ESYT3: variants seen among roughly 807,000 people sequenced by gnomAD.
ESYT3 encodes the protein extended synaptotagmin-3.
ESYT3 carries 101 observed loss-of-function variants against 111.5 expected under a neutral mutation model. The ratio of observed to expected loss-of-function variants is 0.91; its 90% CI spans 0.77 to 1.07. The LOEUF (loss-of-function observed/expected upper bound fraction) is 1.07, where lower values mean the gene tolerates loss of function less well. Among genes scored for constraint, ESYT3 ranks in the 50% least tolerant of loss-of-function variants. ESYT3 has a pLI of 0.00. For missense variants in ESYT3, 1,097 were observed against 1,109.4 expected, an observed-to-expected ratio of 0.99 and a Z score of 0.16; for synonymous variants, 416 against 446.8, an observed-to-expected ratio of 0.93 and a Z score of 0.87.
intron 17 of ESYT3, among the ~76,000 whole-genome samples, chr3:138,471,294 T>A (rs1329292452): frequency 3.9e-5 from 6 of 152,248 alleles, no homozygotes; most frequent in African/African-American, 1.4e-4. Flanking sequence ...CCTCCATGTC[T>A]CTTGACCTCA....
chr3:138,468,262 G>A, intron 12 of ESYT3, 68 bp downstream of exon 12: 1 of 1,451,574 alleles, frequency 6.9e-7, no homozygotes. Context: ...GTGTGTGCAG[G>A]TGGAGGAAGG....
Position 138,465,319 on chromosome 3 carries a change from A to G in ESYT3, c.1087-20A>G. On this transcript the variant is annotated intron_variant, in intron 9 of 22. Transcript: ENST00000389567. ...GGTCGACTGTTGCCTGCAGGTCAAG[A>G]CACCTCTTTTTCCTTCCAGTTCATG... 6.4e-7 allele frequency: 1 copy of G among 1,563,066 alleles called. No homozygotes were observed. The highest frequency in any genetic ancestry group is 8.7e-7 in the Non-Finnish European group (1 of 1,149,724).
intron 1 of ESYT3, among the ~76,000 whole-genome samples, chr3:138,436,488 G>T (rs1351353362): frequency 6.6e-6 from 1 of 152,210 alleles, no homozygotes; most frequent in Admixed American, 6.5e-5. Context: ...TTCAAAGTGG[G>T]CATACACTTC....
Position 138,434,995 on chromosome 3 carries a change from C to A in ESYT3, c.197C>A (p.Ala66Asp), listed in dbSNP as rs2108585200. Reference protein sequence around the residue: ...GLSITWLLLGALLWMWWRRNR... With the variant: ...GLSITWLLLGDLLWMWWRRNR... ...AGCATAACCTGGTTGCTGCTCGGCG[C>A]CCTGCTGTGGATGTGGTGGCGCAGG... is the stretch of plus-strand genomic sequence containing the variant. The change falls in exon 1 of 23, where the codon GCC becomes GAC. Residue 66 changes from alanine (A) to aspartate (D), a missense_variant. Coordinates refer to ENST00000389567, the MANE Select transcript of ESYT3 (RefSeq NM_031913.5). The A allele has an allele frequency of 6.4e-7, 1 of 1,564,292 alleles. No individual in the cohort carries two copies. The highest frequency in any genetic ancestry group is 2.3e-5 in the East Asian group (1 of 42,782).
At chr3:138,442,291 G>C (rs888171490) in intron 1 of ESYT3, among the ~76,000 whole-genome samples, 1 of 152,002 alleles carries the variant, frequency 6.6e-6, no homozygotes, top group Non-Finnish European at 1.5e-5. Flanking sequence ...TTAAAAACTT[G>C]TACTTTTTTC....
In ESYT3 at chr3:138,471,033, C is replaced by A. The variant is rs1206299930; in HGVS notation, c.1740+7C>A. ...CATGAGGCTGGTGCTTCGGGTAAAT[C>A]TCTCCGGTCCCCTGGGGGAGGGGAG... On this transcript the variant is annotated splice_region_variant and intron_variant, in intron 17 of 22. Transcript: ENST00000389567. The A allele has an allele frequency of 6.2e-7, 1 of 1,611,428 alleles. No homozygotes were observed. Among genetic ancestry groups the A allele is most frequent in the Non-Finnish European group, 8.5e-7 (1 of 1,178,070 alleles).
rs1351709511 is a variant in ESYT3 at position 138,452,085 on chromosome 3, A to G, written c.365A>G (p.Asn122Ser). 1 of 1,607,626 alleles carries G rather than the reference A, an allele frequency of 6.2e-7. No individual in the cohort carries two copies. Among genetic ancestry groups the G allele is most frequent in the Non-Finnish European group, 8.5e-7 (1 of 1,179,764 alleles). Residue 122 changes from asparagine to serine, a missense_variant, in exon 2 of 23, where the codon AAC becomes AGC. Physicochemically the swap from Asn to Ser is conservative, Grantham distance 46. Coordinates refer to ENST00000389567, the MANE Select transcript of ESYT3 (RefSeq NM_031913.5). ...FPDVERVEWA[N>S]KIISQTWPYL... ...GACGTGGAGCGGGTCGAGTGGGCCA[A>G]CAAGGTAAGGCCGCTGGCAGGGCCT...
At chr3:138,456,337 G>T (rs2032276374) in intron 3 of ESYT3, among the ~76,000 whole-genome samples, 1 of 152,252 alleles carries the variant, frequency 6.6e-6, no homozygotes, top group African/African-American at 2.4e-5. Flanking sequence ...CGTGCATGAT[G>T]GCAGAGGAAT....
chr3:138,476,555 G>A (rs1438335308), intron 22 of ESYT3, 63 bp downstream of exon 22: 9 of 1,534,236 alleles, frequency 5.9e-6, no homozygotes, highest in Non-Finnish European at 8.1e-6. Context: ...TCCCTTTTCA[G>A]TACTGTTTCA....
At position 138,470,127 on chromosome 3, in the gene ESYT3, C is replaced by T. The variant is rs768729596; in HGVS notation, c.1571C>T (p.Thr524Ile). ...TCCTTCTTTGTGCACAATGTGGCCA[C>T]TGAGCGGCTCCATCTGAAGGTTTGA... The part of the protein sequence containing the change: ...VFSFFVHNVA[T>I]ERLHLKVLDD... Residue 524 changes from threonine (T) to isoleucine (I), a missense_variant, in exon 16 of 23, where the codon ACT becomes ATT. Thr to Ile is a moderately conservative substitution (Grantham distance 89). Transcript: ENST00000389567. 10 of 1,612,660 alleles carry T rather than the reference C, an allele frequency of 6.2e-6. No homozygotes were observed. In the African/African-American group the frequency reaches 1.2e-4, roughly 19 times the overall value.
Position 138,476,385 on chromosome 3 carries a change from C to T in ESYT3, c.2574+57C>T, listed in dbSNP as rs540033221. On this transcript the variant is annotated intron_variant, in intron 21 of 22. Coordinates refer to ENST00000389567, the MANE Select transcript of ESYT3 (RefSeq NM_031913.5). The stretch of plus-strand genomic sequence containing the variant: ...AGATTATGATCAATTCGCCTTATCC[C>T]AATTTCTTTCCTTAATGCAGTGTTT... 273 of 1,602,820 alleles carry T rather than the reference C, an allele frequency of 1.7e-4. 2 individuals are homozygous for T. The South Asian group carries it at 2.8e-3, about 16-fold the overall frequency.
chr3:138,446,018 A>G (rs759882031), intron 1 of ESYT3, among the ~76,000 whole-genome samples: 1 of 152,238 alleles, frequency 6.6e-6, no homozygotes, highest in Non-Finnish European at 1.5e-5. Context: ...GGTTCTGATC[A>G]CATGGGTAAT....
intron 7 of ESYT3, among the ~76,000 whole-genome samples, chr3:138,461,671 A>C (rs557510354): frequency 6.6e-6 from 1 of 152,292 alleles, no homozygotes; most frequent in East Asian, 1.9e-4. Flanking sequence ...CAATGAACAA[A>C]CAACCCCAGG....
At position 138,470,142 on chromosome 3, in the gene ESYT3, T is replaced by C; in HGVS notation, c.1586T>C (p.Leu529Pro). ...VHNVATERLH[L>P]KVLDDDQECA... ...AATGTGGCCACTGAGCGGCTCCATC[T>C]GAAGGTTTGATGGAAGAAGGGCTCT... is the stretch of plus-strand genomic sequence containing the variant. Residue 529 changes from leucine to proline, a missense_variant, in exon 16 of 23, where the codon CTG becomes CCG. Physicochemically the swap from Leu to Pro is moderately conservative, Grantham distance 98. Transcript: ENST00000389567. 6.2e-7 allele frequency: 1 copy of C among 1,611,694 alleles called. No homozygotes were observed. Among genetic ancestry groups the C allele is most frequent in the African/African-American group, 1.3e-5 (1 of 75,002 alleles).
chr3:138,452,116 G>T (rs535905050), intron 2 of ESYT3, 27 bp downstream of exon 2: 1 of 1,605,100 alleles, frequency 6.2e-7, no homozygotes, highest in South Asian at 1.1e-5. Flanking sequence ...GGCCTAGCAG[G>T]GCCGGACGCA....
chr3:138,462,300 A>C, intron 8 of ESYT3, 94 bp downstream of exon 8: 2 of 1,540,280 alleles, frequency 1.3e-6, no homozygotes, highest in East Asian at 4.6e-5. Context: ...TTTATTTCAC[A>C]CTAATGCTTG....
intron 9 of ESYT3, among the ~76,000 whole-genome samples, chr3:138,464,960 A>G (rs1475513663): frequency 2.6e-5 from 4 of 152,124 alleles, no homozygotes; most frequent in African/African-American, 4.8e-5. Context: ...TCAATATACC[A>G]TCTGGATGCT....
chr3:138,457,391 G>T (rs1413769078), intron 3 of ESYT3, among the ~76,000 whole-genome samples, 177 bp from the exon 4 acceptor site: 1 of 152,170 alleles, frequency 6.6e-6, no homozygotes, highest in Non-Finnish European at 1.5e-5. Context: ...GAAAGGAGGG[G>T]GCACATTCTA....
Position 138,476,317 on chromosome 3 carries a change from G to GAGTT in ESYT3, c.2566_2569dup (p.Gly857ValfsTer7), listed in dbSNP as rs1476204816. The GAGTT allele has an allele frequency of 5.0e-6, 8 of 1,612,892 alleles. No individual in the cohort carries two copies. The highest frequency in any genetic ancestry group is 1.7e-4 in the Middle Eastern group (1 of 6,054). ...GCCACTTGGCTCACACAGAAGAAAG[G>GAGTT]AGTTAGGAAAAGTAAGTACAAGAGA... On this transcript the variant is annotated frameshift_variant, in exon 21 of 23. Coordinates refer to ENST00000389567, the MANE Select transcript of ESYT3 (RefSeq NM_031913.5). LOFTEE classifies it high-confidence loss of function.
Sources: allele counts gnomAD v4.1 joint callset (sites outside exome capture counted in the v4.1 genomes callset), GRCh38; gene constraint gnomAD v4.1.1; transcripts MANE v1.5; gene names NCBI Gene and HGNC (gene_info 2026-07-23, HGNC 2026-07-21).